Variants in RALYL observed in about 807,000 individuals in gnomAD.
RALYL encodes RALY RNA binding protein like.
In RALYL, 29 loss-of-function variants were observed where a neutral mutation model predicts 35.1. The ratio of observed to expected loss-of-function variants is 0.83; its 90% CI spans 0.61 to 1.13. The LOEUF is 1.13. RALYL is among the 50% of genes most tolerant of loss of function. The pLI, the probability that RALYL is intolerant of heterozygous loss-of-function variation, is 0.00. For missense variants in RALYL, 359 were observed against 360.4 expected (o/e 1.00, Z 0.03); for synonymous variants, 120 against 127.6 (o/e 0.94, Z 0.40).
At chr8:84,765,898 T>C in intron 2 of RALYL, among the ~76,000 whole-genome samples, 1 of 152,018 alleles carries the variant, frequency 6.6e-6, no homozygotes, top group East Asian at 1.9e-4. Flanking sequence ...CAGAAAAATG[T>C]TTCTTTTAGA....
intron 1 of RALYL, among the ~76,000 whole-genome samples, chr8:84,308,937 A>G (rs1457679014): frequency 6.6e-6 from 1 of 151,934 alleles, no homozygotes; most frequent in Non-Finnish European, 1.5e-5. Context: ...AACAAATATC[A>G]AGGGTCATGA....
chr8:84,379,533 A>G (rs1857535514), intron 1 of RALYL, among the ~76,000 whole-genome samples: 1 of 151,914 alleles, frequency 6.6e-6, no homozygotes, highest in South Asian at 2.1e-4. Flanking sequence ...AACCTAGCGA[A>G]ACTTTTTAAA....
rs150508724 is a variant in RALYL, at chr8:84,579,135, C to T, written c.256+49558C>T. On this transcript the variant is annotated intron_variant, in intron 2 of 8. Transcript: ENST00000521268. ...CCAAGCAGCCCTCAGCCCCCCTAGG[C>T]CTCCCTCCCATGATTATTGGTGCCC... 1.6e-3 allele frequency among the ~76,000 whole-genome samples: 238 copies of T among 152,292 alleles called. 1 individual carries two copies. The highest frequency in any genetic ancestry group is 5.4e-3 in the African/African-American group (224 of 41,562).
At chr8:84,305,905 C>T (rs1405626026) in intron 1 of RALYL, among the ~76,000 whole-genome samples, 2 of 151,996 alleles carry the variant, frequency 1.3e-5, no homozygotes, top group East Asian at 1.9e-4. Context: ...TTCCAGTGTC[C>T]TAAGAGGCAG....
chr8:84,308,456 T>C (rs113604733), intron 1 of RALYL, among the ~76,000 whole-genome samples: 7,193 of 152,224 alleles, frequency 0.047, 259 homozygotes, highest in African/African-American at 0.083. Flanking sequence ...CTTCCTCAAG[T>C]AGTTAATAAC....
chr8:84,195,178 A>G (rs1814933652), intron 1 of RALYL, among the ~76,000 whole-genome samples: 1 of 152,152 alleles, frequency 6.6e-6, no homozygotes, highest in Non-Finnish European at 1.5e-5. Flanking sequence ...TGAGAATTTC[A>G]ACAATTGTTT....
chr8:84,448,138 C>CA (rs1340486268), intron 1 of RALYL, among the ~76,000 whole-genome samples: 1 of 151,934 alleles, frequency 6.6e-6, no homozygotes, highest in Non-Finnish European at 1.5e-5. Context: ...TAAGGGACTC[C>CA]AAAAGGGAAG....
intron 1 of RALYL, among the ~76,000 whole-genome samples, chr8:84,294,140 G>C (rs779883823): frequency 6.6e-6 from 1 of 151,672 alleles, no homozygotes; most frequent in African/African-American, 2.4e-5. Flanking sequence ...ATTTATTTTG[G>C]TGCCTGGTTA....
chr8:84,730,693 G>T (rs538986165), intron 2 of RALYL, among the ~76,000 whole-genome samples: 1 of 152,172 alleles, frequency 6.6e-6, no homozygotes, highest in East Asian at 1.9e-4. Flanking sequence ...CATGAATGAG[G>T]ATCTGTACAA....
chr8:84,677,998 G>A (rs1446674646), intron 2 of RALYL, among the ~76,000 whole-genome samples: 1 of 152,092 alleles, frequency 6.6e-6, no homozygotes, highest in African/African-American at 2.4e-5. Context: ...TTTTCTGGAT[G>A]TGTGCTTCAG....
At chr8:84,388,987 A>C (rs1859936016) in intron 1 of RALYL, among the ~76,000 whole-genome samples, 2 of 152,164 alleles carry the variant, frequency 1.3e-5, no homozygotes, top group South Asian at 4.1e-4. Flanking sequence ...TCTAACATGT[A>C]AGTCTTTAAT....
chr8:84,408,478 A>G (rs112455316), intron 1 of RALYL, among the ~76,000 whole-genome samples: 4,493 of 152,252 alleles, frequency 0.03, 218 homozygotes, highest in African/African-American at 0.1. Flanking sequence ...TAATTTAGCC[A>G]AGGCCAGCTG....
chr8:84,814,137 A>G (rs989506939), intron 4 of RALYL, among the ~76,000 whole-genome samples: 10 of 152,218 alleles, frequency 6.6e-5, no homozygotes, highest in African/African-American at 2.2e-4. Context: ...TTTATATCAA[A>G]CATTTAGCAC....
chr8:84,402,050 T>C (rs1397412265), intron 1 of RALYL, among the ~76,000 whole-genome samples: 1 of 152,198 alleles, frequency 6.6e-6, no homozygotes, highest in African/African-American at 2.4e-5. Flanking sequence ...AACACAAGCT[T>C]GAATAATCTC....
chr8:84,576,430 G>C (rs531962722), intron 2 of RALYL, among the ~76,000 whole-genome samples: 1 of 152,194 alleles, frequency 6.6e-6, no homozygotes, highest in African/African-American at 2.4e-5. Context: ...TGCCAACTTT[G>C]ATTTTGTAGA....
intron 2 of RALYL, among the ~76,000 whole-genome samples, chr8:84,766,311 A>T (rs542105398): frequency 6.6e-6 from 1 of 152,170 alleles, no homozygotes; most frequent in South Asian, 2.1e-4. Flanking sequence ...TTGCAGTTTT[A>T]TCTGTTAAGT....
chr8:84,910,710 C>A (rs1295457878), intron 8 of RALYL, among the ~76,000 whole-genome samples: 1 of 151,938 alleles, frequency 6.6e-6, no homozygotes, highest in African/African-American at 2.4e-5. Flanking sequence ...CTGAAACTTA[C>A]CTGTGTGCCA....
chr8:84,768,763 TA>T (rs1018772508), intron 2 of RALYL, among the ~76,000 whole-genome samples: 3 of 152,210 alleles, frequency 2.0e-5, no homozygotes, highest in African/African-American at 7.2e-5. Context: ...TATTTAAGCA[TA>T]AATTTCCATA....
chr8:84,918,188 CA>C (rs1184726382), intron 8 of RALYL, among the ~76,000 whole-genome samples: 1 of 151,978 alleles, frequency 6.6e-6, no homozygotes, highest in African/African-American at 2.4e-5. Flanking sequence ...ACAAAAATAA[CA>C]AGCATTCCTG....
Sources: allele counts gnomAD v4.1 joint callset (sites outside exome capture counted in the v4.1 genomes callset), GRCh38; gene constraint gnomAD v4.1.1; transcripts MANE v1.5; gene names NCBI Gene and HGNC (gene_info 2026-07-23, HGNC 2026-07-21).